Variants in TLK1 observed in about 807,000 individuals in gnomAD.
TLK1 encodes the protein serine/threonine-protein kinase tousled-like 1.
A neutral mutation model predicts 105.3 loss-of-function variants in TLK1; 24 were observed. That is an observed-to-expected ratio of 0.23 (90% CI 0.17 to 0.32). The LOEUF (loss-of-function observed/expected upper bound fraction) is 0.32, where lower values mean the gene tolerates loss of function less well. Among genes scored for constraint, TLK1 ranks in the 10% least tolerant of loss-of-function variants. The pLI is 1.00. For missense variants in TLK1, 558 were observed against 910.5 expected (o/e 0.61, Z 4.98); for synonymous variants, 321 against 310.4 (o/e 1.03, Z -0.36).
intron 3 of TLK1, among the ~76,000 whole-genome samples, chr2:171,076,335 A>G (rs1387915299): frequency 6.6e-6 from 1 of 151,958 alleles, no homozygotes; most frequent in Non-Finnish European, 1.5e-5. Flanking sequence ...GTTGAGTCCA[A>G]TTCTCCCTCT....
intron 3 of TLK1, among the ~76,000 whole-genome samples, chr2:171,072,466 T>C (rs1035264719): frequency 3.3e-5 from 5 of 149,728 alleles, no homozygotes; most frequent in African/African-American, 1.2e-4. Flanking sequence ...ACAAAAAAAT[T>C]AGCTGGGTAG....
intron 12 of TLK1, among the ~76,000 whole-genome samples, chr2:171,016,076 C>T (rs1685196637): frequency 6.6e-6 from 1 of 152,076 alleles, no homozygotes; most frequent in South Asian, 2.1e-4. Context: ...GAAACTCCAT[C>T]CCCACTCTCC....
At chr2:171,147,663 G>A (rs1691844204) in intron 1 of TLK1, among the ~76,000 whole-genome samples, 1 of 152,184 alleles carries the variant, frequency 6.6e-6, no homozygotes, top group Admixed American at 6.5e-5. Flanking sequence ...GTTCCTTATA[G>A]CCACAGCATG....
At chr2:171,056,707 A>C (rs1179357707) in intron 5 of TLK1, 141 bp from the exon 6 acceptor site, 1 of 561,736 alleles carries the variant, frequency 1.8e-6, no homozygotes, top group Admixed American at 3.4e-5. Context: ...CAAAAAAAAA[A>C]AACACAAGGT....
chr2:171,067,887 T>C (rs1423997976), intron 3 of TLK1, among the ~76,000 whole-genome samples: 4 of 152,210 alleles, frequency 2.6e-5, no homozygotes, highest in African/African-American at 9.6e-5. Flanking sequence ...TCTTCTGTTC[T>C]TGTGTTAGTT....
intron 3 of TLK1, among the ~76,000 whole-genome samples, chr2:171,066,260 C>A (rs888097181): frequency 6.6e-6 from 1 of 152,168 alleles, no homozygotes; most frequent in African/African-American, 2.4e-5. Flanking sequence ...GGAATCCTAT[C>A]ATCAAATAAA....
intron 1 of TLK1, among the ~76,000 whole-genome samples, chr2:171,156,842 T>C (rs1365286770): frequency 6.6e-6 from 1 of 152,206 alleles, no homozygotes; most frequent in Admixed American, 6.5e-5. Context: ...CATGCCATCT[T>C]TTTTTTGAGA....
chr2:171,014,795 G>A, intron 13 of TLK1, 56 bp downstream of exon 13: 7 of 1,249,482 alleles, frequency 5.6e-6, no homozygotes, highest in Non-Finnish European at 8.2e-6. Context: ...TATGCTCTAT[G>A]GGGGGCGGGG....
At chr2:171,113,700 T>C (rs1399556202) in intron 2 of TLK1, among the ~76,000 whole-genome samples, 1 of 152,186 alleles carries the variant, frequency 6.6e-6, no homozygotes. Context: ...AGAAAACTTG[T>C]TCACTAGATG....
At chr2:171,026,933 T>C (rs566106486) in intron 12 of TLK1, among the ~76,000 whole-genome samples, 4 of 152,228 alleles carry the variant, frequency 2.6e-5, no homozygotes, top group Admixed American at 6.5e-5. Context: ...TAGAACAGAA[T>C]AGAACTACTT....
At chr2:171,012,744 T>C (rs1684980465) in intron 13 of TLK1, among the ~76,000 whole-genome samples, 3 of 152,186 alleles carry the variant, frequency 2.0e-5, no homozygotes, top group African/African-American at 7.2e-5. Flanking sequence ...CCCAAAGTAC[T>C]GCGATTTCAG....
chr2:171,128,999 T>C (rs140608842), intron 1 of TLK1, among the ~76,000 whole-genome samples: 41 of 152,294 alleles, frequency 2.7e-4, no homozygotes, highest in African/African-American at 7.7e-4. Flanking sequence ...TGTGTGCACG[T>C]GTCCGTGTCA....
At chr2:171,066,478 G>A (rs1687998937) in intron 3 of TLK1, among the ~76,000 whole-genome samples, 1 of 152,150 alleles carries the variant, frequency 6.6e-6, no homozygotes, top group Non-Finnish European at 1.5e-5. Flanking sequence ...ATACATTTTT[G>A]TAAAGGCTGA....
intron 1 of TLK1, among the ~76,000 whole-genome samples, chr2:171,148,632 C>G (rs936054723): frequency 2.0e-5 from 3 of 151,924 alleles, no homozygotes; most frequent in African/African-American, 7.3e-5. Flanking sequence ...CCTGGAATCC[C>G]AGCACTTTAG....
chr2:171,230,613 A>T (rs911814977), intron 1 of TLK1, among the ~76,000 whole-genome samples: 1 of 152,168 alleles, frequency 6.6e-6, no homozygotes, highest in Non-Finnish European at 1.5e-5. Context: ...AGGGAGATAG[A>T]TTTGAGATTT....
chr2:171,055,487 A>C (rs1687459577), intron 6 of TLK1, among the ~76,000 whole-genome samples: 1 of 151,974 alleles, frequency 6.6e-6, no homozygotes, highest in African/African-American at 2.4e-5. Flanking sequence ...AAGGCCAAAT[A>C]AATTATTCTG....
chr2:171,129,366 ATTC>A (rs1450040844), intron 1 of TLK1, among the ~76,000 whole-genome samples: 16 of 152,328 alleles, frequency 1.1e-4, no homozygotes, highest in Admixed American at 4.6e-4. Flanking sequence ...TTCTTGGCCT[ATTC>A]TTCTATCCCA....
At chr2:171,198,632 A>G (rs1409299773) in intron 1 of TLK1, among the ~76,000 whole-genome samples, 1 of 152,220 alleles carries the variant, frequency 6.6e-6, no homozygotes, top group Non-Finnish European at 1.5e-5. Context: ...GGCAGTGATG[A>G]GAGTGGGAAG....
chr2:171,160,220 G>GGGGGGGGCGC lies in TLK1; in HGVS notation c.139+60_139+69dup, dbSNP rs1575639911. ...AGAAGCCCCGGGGCGGGGGGGGCGG[G>GGGGGGGGCGC]GGGGGGGCGCGGGGGTCCGCGGCGC... On this transcript the variant is annotated intron_variant, in intron 1 of 20. Coordinates refer to ENST00000431350, the MANE Select transcript of TLK1 (RefSeq NM_012290.5). This position sits in a 1 kb window ranked among gnomAD's most constrained non-coding sequence, Gnocchi z 4.4. The GGGGGGGGCGC allele has an allele frequency of 2.4e-6, 3 of 1,276,382 alleles. No individual in the cohort carries two copies. Among genetic ancestry groups the GGGGGGGGCGC allele is most frequent in the South Asian group, 2.6e-5 (1 of 38,024 alleles). 79.1% of individuals were successfully genotyped at this position (1,276,382 alleles called of 1,614,324 possible).
Sources: gnomAD v4.1 joint callset for allele counts (sites outside exome capture counted in the v4.1 genomes callset) on GRCh38, gnomAD v4.1.1 for gene constraint, Gnocchi (gnomAD v3.1) non-coding constraint, MANE v1.5 for transcripts, NCBI Gene and HGNC (gene_info 2026-07-23, HGNC 2026-07-21) for gene names.